PCDH15: variants seen among roughly 807,000 people sequenced by gnomAD.
The protein encoded by PCDH15 is protocadherin-15.
Under a neutral mutation model 178.5 loss-of-function variants are expected in PCDH15, and 129 were observed. The observed-to-expected ratio is 0.72, with a 90% CI of 0.63 to 0.84. The LOEUF (loss-of-function observed/expected upper bound fraction) is 0.84. PCDH15 is among the 40% of genes least tolerant of loss of function. PCDH15 has a pLI of 0.00. For missense variants in PCDH15, 2,230 were observed against 2,099.9 expected (o/e 1.06, Z -1.21); for synonymous variants, 800 against 732.0 (o/e 1.09, Z -1.50).
chr10:54,420,970 T>C (rs1357009210), intron 3 of PCDH15, among the ~76,000 whole-genome samples: 2 of 152,100 alleles, frequency 1.3e-5, no homozygotes, highest in East Asian at 3.9e-4. Flanking sequence ...TTAATAGGCA[T>C]TTGAATGTCT....
At chr10:55,274,635 C>A (rs914719040) in intron 1 of PCDH15, among the ~76,000 whole-genome samples, 1 of 152,048 alleles carries the variant, frequency 6.6e-6, no homozygotes, top group Admixed American at 6.6e-5. Context: ...TCCAAACCTG[C>A]TTTTCTTATA....
At chr10:54,148,058 G>A (rs997198253) in intron 14 of PCDH15, among the ~76,000 whole-genome samples, 4 of 152,018 alleles carry the variant, frequency 2.6e-5, no homozygotes, top group African/African-American at 9.7e-5. Flanking sequence ...GAGCTAGCAA[G>A]GTATCTGGTC....
chr10:55,575,988 C>T (rs944421818), intron 2 of PCDH15, among the ~76,000 whole-genome samples: 5 of 152,118 alleles, frequency 3.3e-5, no homozygotes, highest in African/African-American at 4.8e-5. Context: ...CACGATGAAC[C>T]GTTCACTTTC....
At chr10:54,293,661 A>G (rs537312621) in intron 8 of PCDH15, among the ~76,000 whole-genome samples, 2 of 152,376 alleles carry the variant, frequency 1.3e-5, no homozygotes, top group Admixed American at 6.5e-5. Flanking sequence ...GTCAAAGGCT[A>G]TGAACAGATT....
At chr10:55,242,678 CA>C (rs896999431) in intron 1 of PCDH15, among the ~76,000 whole-genome samples, 2 of 148,870 alleles carry the variant, frequency 1.3e-5, no homozygotes, top group Non-Finnish European at 3.0e-5. Context: ...CTTGTCTCTA[CA>C]AAAAATACAA....
chr10:54,091,042 G>T (rs183871355), intron 15 of PCDH15, among the ~76,000 whole-genome samples: 1 of 152,266 alleles, frequency 6.6e-6, no homozygotes, highest in Non-Finnish European at 1.5e-5. Context: ...GTTTGACTTT[G>T]AGTTCCGAGT....
rs961498097 is a variant in PCDH15 at position 55,599,781 on chromosome 10, C to A, written c.-156+27844G>T. On this transcript the variant is annotated intron_variant, in intron 2 of 5. Coordinates refer to the PCDH15 transcript ENST00000613346. The stretch of plus-strand genomic sequence containing the variant: ...CCCATCTCTCTACCAAAAACATCAC[C>A]CCTAGCATTGCTAGTATTAGAGGCA... 1.3e-5 allele frequency: 6 copies of A among 475,346 alleles called. No homozygotes were observed. In the East Asian group the frequency reaches 1.4e-4, roughly 11 times the overall value. 29.4% of individuals were successfully genotyped at this position (475,346 alleles called of 1,614,324 possible).
At chr10:54,328,165 G>T (rs1260639775) in intron 7 of PCDH15, among the ~76,000 whole-genome samples, 3 of 150,448 alleles carry the variant, frequency 2.0e-5, no homozygotes, top group Non-Finnish European at 4.4e-5. Flanking sequence ...CCATATCCCT[G>T]ACATCCACTG....
chr10:54,426,457 G>A (rs1348923701), intron 3 of PCDH15, among the ~76,000 whole-genome samples: 3 of 152,106 alleles, frequency 2.0e-5, no homozygotes, highest in Admixed American at 1.3e-4. Context: ...CTGACAGGAG[G>A]CAGAGCTTAG....
intron 2 of PCDH15, among the ~76,000 whole-genome samples, chr10:54,616,500 A>G (rs993775692): frequency 5.3e-5 from 8 of 152,104 alleles, no homozygotes; most frequent in Non-Finnish European, 1.0e-4. Flanking sequence ...GGACTCCCCA[A>G]CTGTAATCAC....
intron 2 of PCDH15, among the ~76,000 whole-genome samples, chr10:54,927,627 G>C (rs1270876431): frequency 1.3e-5 from 2 of 152,024 alleles, no homozygotes; most frequent in Admixed American, 1.3e-4. Flanking sequence ...CCTGTATTGG[G>C]TACATATATA....
intron 6 of PCDH15, among the ~76,000 whole-genome samples, chr10:54,342,995 G>C (rs1244234794): frequency 6.6e-6 from 1 of 152,094 alleles, no homozygotes; most frequent in Non-Finnish European, 1.5e-5. Flanking sequence ...TGATTTTATA[G>C]GCTTATGGGT....
intron 1 of PCDH15, among the ~76,000 whole-genome samples, chr10:55,256,033 G>A (rs1841987971): frequency 2.6e-5 from 4 of 152,116 alleles, no homozygotes; most frequent in Admixed American, 2.6e-4. Flanking sequence ...CCATGCCTAT[G>A]TCCTGAATGG....
At chr10:54,368,850 G>C (rs1187654517) in intron 5 of PCDH15, among the ~76,000 whole-genome samples, 1 of 151,954 alleles carries the variant, frequency 6.6e-6, no homozygotes, top group Admixed American at 6.6e-5. Flanking sequence ...AAGTAAGCAT[G>C]TAGATGGATC....
At chr10:54,889,478 AT>A (rs1954420679) in intron 3 of PCDH15, among the ~76,000 whole-genome samples, 1 of 132,562 alleles carries the variant, frequency 7.5e-6, no homozygotes, top group African/African-American at 2.7e-5. Context: ...ATTGTTAAGT[AT>A]TTTGAATAGC....
intron 23 of PCDH15, among the ~76,000 whole-genome samples, chr10:53,953,532 C>A (rs369207856): frequency 9.0e-4 from 137 of 151,846 alleles, no homozygotes; most frequent in African/African-American, 3.2e-3. Context: ...GAAAGCCAGC[C>A]ACCAGGAAAT....
intron 2 of PCDH15, among the ~76,000 whole-genome samples, chr10:55,587,699 T>C (rs1370551132): frequency 5.9e-5 from 9 of 152,330 alleles, no homozygotes; most frequent in Admixed American, 5.9e-4. Flanking sequence ...TGGTTTGATA[T>C]AAAGATAATT....
At chr10:53,971,940 T>A (rs1239338199) in intron 21 of PCDH15, among the ~76,000 whole-genome samples, 2 of 135,774 alleles carry the variant, frequency 1.5e-5, no homozygotes, top group Non-Finnish European at 3.2e-5. Context: ...AAAAACTACT[T>A]TAAATTTCAT....
chr10:54,650,280 C>G (rs988521941), intron 2 of PCDH15, among the ~76,000 whole-genome samples: 1 of 152,132 alleles, frequency 6.6e-6, no homozygotes, highest in Non-Finnish European at 1.5e-5. Context: ...CAGATTTGCT[C>G]TCAGATTTCC....
Sources: gnomAD v4.1 joint callset for allele counts (sites outside exome capture counted in the v4.1 genomes callset) on GRCh38, gnomAD v4.1.1 for gene constraint, MANE v1.5 for transcripts, NCBI Gene and HGNC (gene_info 2026-07-23, HGNC 2026-07-21) for gene names.